LRMDA: variants seen among roughly 807,000 people sequenced by gnomAD.
The protein encoded by LRMDA is leucine rich melanocyte differentiation associated.
LRMDA carries 18 observed loss-of-function variants against 29.8 expected under a neutral mutation model. The ratio of observed to expected loss-of-function variants is 0.60; its 90% confidence interval spans 0.42 to 0.90. The LOEUF (loss-of-function observed/expected upper bound fraction) is 0.90, where lower values mean the gene tolerates loss of function less well. LRMDA is among the 40% of genes least tolerant of loss of function. The pLI is 0.00. For synonymous variants in LRMDA, 125 were observed against 109.4 expected (o/e 1.14, Z -0.89); for missense variants, 273 against 273.9 (o/e 1.00, Z 0.02).
intron 2 of LRMDA, among the ~76,000 whole-genome samples, chr10:75,816,722 G>A (rs959836042): frequency 1.3e-5 from 2 of 152,096 alleles, no homozygotes; most frequent in African/African-American, 4.8e-5. Flanking sequence ...GTAAAATATA[G>A]GGTCCTCTTA....
intron 2 of LRMDA, among the ~76,000 whole-genome samples, chr10:75,604,488 A>T (rs2132093722): frequency 6.6e-6 from 1 of 152,320 alleles, no homozygotes; most frequent in East Asian, 1.9e-4. Flanking sequence ...AGATAGAGCT[A>T]AGAGTTCCCG....
Position 76,258,874 on chromosome 10 carries a change from T to TAC in LRMDA, c.517-65526_517-65525dup, listed in dbSNP as rs367606340. 6.1e-3 allele frequency among the ~76,000 whole-genome samples: 929 copies of TAC among 152,274 alleles called. 5 individuals carry two copies. Among genetic ancestry groups the TAC allele is most frequent in the African/African-American group, 0.021 (866 of 41,570 alleles). ...CTTTATCTACTATTCCGTTGTTGGA[T>TAC]ACCTAGGCTGAGTCCATATCTTGGC... On this transcript the variant is annotated intron_variant, in intron 5 of 6. Coordinates refer to ENST00000611255, the MANE Select transcript of LRMDA (RefSeq NM_001305581.2).
chr10:76,261,166 G>A lies in LRMDA; in HGVS notation c.517-63235G>A, dbSNP rs199923923. On this transcript the variant is annotated intron_variant, in intron 5 of 6. Transcript: ENST00000611255. ...TGCAAACTCCACCTCCTGGGTTCAC[G>A]CCATTCTCCTGCCTCAGCCTCCCAA... Among the ~76,000 whole-genome samples the A allele has an allele frequency of 3.7e-4, 54 of 147,704 alleles. No homozygotes were observed. The East Asian group carries it at 8.9e-3, about 24-fold the overall frequency.
intron 2 of LRMDA, among the ~76,000 whole-genome samples, chr10:75,439,445 A>C (rs1844301863): frequency 6.6e-6 from 1 of 152,166 alleles, no homozygotes; most frequent in Non-Finnish European, 1.5e-5. Context: ...CCCACAGCTG[A>C]GTCAGGATAC....
intron 5 of LRMDA, among the ~76,000 whole-genome samples, chr10:76,226,407 A>T (rs1411253330): frequency 2.0e-5 from 3 of 151,596 alleles, no homozygotes; most frequent in Non-Finnish European, 4.4e-5. Context: ...ACACAGTGAA[A>T]CTCCGTCTCT....
intron 5 of LRMDA, among the ~76,000 whole-genome samples, chr10:76,120,917 CT>C (rs1257612110): frequency 2.6e-5 from 4 of 151,296 alleles, no homozygotes; most frequent in African/African-American, 9.7e-5. Flanking sequence ...ACTGCAAGCT[CT>C]GACTCCCAGG....
At chr10:75,891,195 GA>G (rs372190770) in intron 2 of LRMDA, among the ~76,000 whole-genome samples, 193 of 152,288 alleles carry the variant, frequency 1.3e-3, no homozygotes, top group African/African-American at 4.4e-3. Context: ...AAACTGCCAG[GA>G]AGCTGTTGAG....
At chr10:76,480,421 CAT>C (rs765666308) in intron 6 of LRMDA, among the ~76,000 whole-genome samples, 17 of 151,816 alleles carry the variant, frequency 1.1e-4, no homozygotes, top group Non-Finnish European at 1.9e-4. Context: ...TTTCTGAAGT[CAT>C]AGAATAGTAG....
chr10:75,563,280 T>A (rs1840323936), intron 2 of LRMDA, among the ~76,000 whole-genome samples: 1 of 152,182 alleles, frequency 6.6e-6, no homozygotes, highest in African/African-American at 2.4e-5. Flanking sequence ...TTCATTCATT[T>A]CATCTTCCAT....
At chr10:75,940,760 A>G (rs1284204210) in intron 2 of LRMDA, among the ~76,000 whole-genome samples, 1 of 151,808 alleles carries the variant, frequency 6.6e-6, no homozygotes, top group African/African-American at 2.4e-5. Context: ...AAGCTAGGGA[A>G]ATTTATGGGG....
intron 2 of LRMDA, among the ~76,000 whole-genome samples, chr10:75,811,297 A>C (rs938940533): frequency 4.6e-5 from 7 of 151,932 alleles, no homozygotes; most frequent in Non-Finnish European, 7.4e-5. Context: ...CCCCTTGCTG[A>C]GGTCTGAACT....
At chr10:76,417,753 C>T (rs558818189) in intron 6 of LRMDA, among the ~76,000 whole-genome samples, 2 of 152,242 alleles carry the variant, frequency 1.3e-5, no homozygotes, top group South Asian at 4.1e-4. Flanking sequence ...CCTGTCTAAG[C>T]AACATTTGTC....
intron 5 of LRMDA, among the ~76,000 whole-genome samples, chr10:76,127,067 A>G (rs140997027): frequency 2.5e-3 from 378 of 152,290 alleles, no homozygotes; most frequent in African/African-American, 8.8e-3. Context: ...TGCCAAGTGG[A>G]TGTTCACTGT....
intron 5 of LRMDA, among the ~76,000 whole-genome samples, chr10:76,203,100 T>C (rs1026481832): frequency 6.6e-6 from 1 of 152,240 alleles, no homozygotes; most frequent in African/African-American, 2.4e-5. Flanking sequence ...TGCTTTCTAA[T>C]GCCAGAGAGC....
In LRMDA at chr10:75,900,889, C is replaced by T. The variant is rs144544880; in HGVS notation, c.132-135119C>T. ...TAGGACCTTGAGTATATCCTGTCTA[C>T]GCTGAACTAGAGATAGCTGCTGGAT... On this transcript the variant is annotated intron_variant, in intron 2 of 6. Transcript: ENST00000611255. Among the ~76,000 whole-genome samples the T allele has an allele frequency of 4.5e-4, 68 of 152,236 alleles. No individual in the cohort carries two copies. In the East Asian group the frequency reaches 5.2e-3, roughly 12 times the overall value.
At chr10:75,648,746 T>C (rs1234955175) in intron 2 of LRMDA, among the ~76,000 whole-genome samples, 2 of 152,174 alleles carry the variant, frequency 1.3e-5, no homozygotes, top group African/African-American at 4.8e-5. Flanking sequence ...GAGTATTTGC[T>C]CTGGGGAAGG....
At chr10:76,546,242 T>C (rs1843419764) in intron 6 of LRMDA, among the ~76,000 whole-genome samples, 2 of 152,198 alleles carry the variant, frequency 1.3e-5, no homozygotes, top group Non-Finnish European at 2.9e-5. Flanking sequence ...TTGTTTTCGA[T>C]TTTTTGGAGC....
At chr10:76,495,174 A>C (rs557888883) in intron 6 of LRMDA, among the ~76,000 whole-genome samples, 99 of 151,968 alleles carry the variant, frequency 6.5e-4, no homozygotes, top group African/African-American at 2.3e-3. Context: ...AAATTGTATA[A>C]ATTGTGAGGT....
At chr10:75,475,572 G>T (rs887796327) in intron 2 of LRMDA, among the ~76,000 whole-genome samples, 7 of 152,182 alleles carry the variant, frequency 4.6e-5, no homozygotes, top group African/African-American at 1.7e-4. Flanking sequence ...GAAGCCCATT[G>T]TTTCAGGTAA....
Sources: allele counts gnomAD v4.1 joint callset (sites outside exome capture counted in the v4.1 genomes callset), GRCh38; gene constraint gnomAD v4.1.1; transcripts MANE v1.5; gene names NCBI Gene and HGNC (gene_info 2026-07-23, HGNC 2026-07-21).